MYO3B: variants seen among roughly 807,000 people sequenced by gnomAD.
MYO3B encodes the protein myosin-IIIb.
Under a neutral mutation model 174.6 loss-of-function variants are expected in MYO3B, and 156 were observed. That is an observed-to-expected ratio of 0.89 (90% CI 0.78 to 1.02). The LOEUF (loss-of-function observed/expected upper bound fraction) is 1.02, where lower values mean the gene tolerates loss of function less well. MYO3B is among the 50% of genes least tolerant of loss of function. The pLI, the probability that MYO3B is intolerant of heterozygous loss-of-function variation, is 0.00. For synonymous variants in MYO3B, 563 were observed against 569.1 expected, an observed-to-expected ratio of 0.99 and a Z score of 0.15; for missense variants, 1,632 against 1,639.4, an observed-to-expected ratio of 1.00 and a Z score of 0.08.
intron 7 of MYO3B, among the ~76,000 whole-genome samples, chr2:170,318,840 G>A (rs1441647689): frequency 4.6e-5 from 7 of 152,022 alleles, no homozygotes; most frequent in South Asian, 2.1e-4. Context: ...GTCATGTGTC[G>A]AAATCTCACC....
intron 32 of MYO3B, chr2:170,601,973 T>C (rs2106344180): frequency 1.2e-6 from 1 of 853,454 alleles, no homozygotes; most frequent in East Asian, 2.4e-5. Context: ...AACTTCTTTT[T>C]TGTCTCCCCT....
At chr2:170,419,225 G>A (rs767448537) in intron 22 of MYO3B, among the ~76,000 whole-genome samples, 5 of 152,210 alleles carry the variant, frequency 3.3e-5, no homozygotes, top group African/African-American at 7.2e-5. Context: ...GGATCAGGAC[G>A]TACTTTTCAC....
Position 170,466,559 on chromosome 2 carries a change from G to T in MYO3B, c.2862G>T (p.Val954=). 1 of 1,614,180 alleles carries T rather than the reference G, an allele frequency of 6.2e-7. No homozygotes were observed. The highest frequency in any genetic ancestry group is 8.5e-7 in the Non-Finnish European group (1 of 1,180,026). ...SKMVVGQPHF[V]RCIKPNDDRE... is the part of the protein sequence containing the mutation. ...TGGTGGTTGGACAGCCCCACTTTGT[G>T]CGCTGCATTAAACCCAATGATGACC... is the stretch of plus-strand genomic sequence containing the variant. The change falls in exon 25 of 35, where the codon GTG becomes GTT. Residue 954 remains valine, a synonymous_variant. Transcript: ENST00000408978.
intron 32 of MYO3B, among the ~76,000 whole-genome samples, chr2:170,553,474 T>G (rs1691063925): frequency 6.6e-6 from 1 of 152,238 alleles, no homozygotes; most frequent in Non-Finnish European, 1.5e-5. Context: ...GCCACTTTAT[T>G]TTGTCCAATT....
intron 32 of MYO3B, among the ~76,000 whole-genome samples, chr2:170,568,774 A>T (rs1575177408): frequency 6.6e-6 from 1 of 152,188 alleles, no homozygotes; most frequent in Non-Finnish European, 1.5e-5. Context: ...GTGGGTTTAG[A>T]TGTTTAGATA....
At chr2:170,583,287 C>T (rs1693271925) in intron 32 of MYO3B, among the ~76,000 whole-genome samples, 1 of 152,152 alleles carries the variant, frequency 6.6e-6, no homozygotes, top group African/African-American at 2.4e-5. Flanking sequence ...CAGCCTGCCT[C>T]ACCTGCTGAC....
chr2:170,583,404 C>T (rs1218020821), intron 32 of MYO3B, among the ~76,000 whole-genome samples: 1 of 152,098 alleles, frequency 6.6e-6, no homozygotes, highest in Non-Finnish European at 1.5e-5. Flanking sequence ...TTCCCTTGGC[C>T]ACATCAAAAT....
intron 7 of MYO3B, among the ~76,000 whole-genome samples, chr2:170,300,294 C>G (rs2093657576): frequency 1.3e-5 from 2 of 152,108 alleles, no homozygotes. Context: ...TTCCCTGCTA[C>G]AATGATGAGC....
intron 7 of MYO3B, among the ~76,000 whole-genome samples, chr2:170,295,038 C>T (rs1442979607): frequency 6.6e-6 from 1 of 151,940 alleles, no homozygotes; most frequent in Non-Finnish European, 1.5e-5. Flanking sequence ...AAGTACAGAA[C>T]TATTATTACT....
chr2:170,320,285 G>C (rs999967438), intron 7 of MYO3B, among the ~76,000 whole-genome samples: 3 of 152,120 alleles, frequency 2.0e-5, no homozygotes, highest in Admixed American at 2.0e-4. Context: ...GGGCTCAAGC[G>C]ATCTTCCCAC....
chr2:170,514,545 AG>A (rs1404122551), intron 28 of MYO3B, among the ~76,000 whole-genome samples: 1 of 152,210 alleles, frequency 6.6e-6, no homozygotes, highest in Non-Finnish European at 1.5e-5. Flanking sequence ...GAAAGACAGC[AG>A]GAAAGCTATC....
intron 7 of MYO3B, among the ~76,000 whole-genome samples, chr2:170,245,357 G>C (rs1297380915): frequency 6.6e-6 from 1 of 152,142 alleles, no homozygotes; most frequent in South Asian, 2.1e-4. Context: ...TAAGCCCAAT[G>C]GGGGGATCAA....
chr2:170,330,851 CTGATTT>C (rs2093906629), intron 7 of MYO3B, among the ~76,000 whole-genome samples: 1 of 114,956 alleles, frequency 8.7e-6, no homozygotes, highest in African/African-American at 5.9e-5. Flanking sequence ...TTGGAATTTG[CTGATTT>C]CCGAAAGAGC....
intron 28 of MYO3B, among the ~76,000 whole-genome samples, chr2:170,510,776 G>A (rs1687928072): frequency 6.6e-6 from 1 of 151,862 alleles, no homozygotes; most frequent in Non-Finnish European, 1.5e-5. Flanking sequence ...CTGTCCTATA[G>A]TCTTACCTCT....
chr2:170,301,847 A>T (rs1414014527), intron 7 of MYO3B, among the ~76,000 whole-genome samples: 1 of 147,748 alleles, frequency 6.8e-6, no homozygotes, highest in African/African-American at 2.5e-5. Context: ...CGAGCGACAT[A>T]GAGCGGCCAC....
At chr2:170,574,701 A>G (rs1692679561) in intron 32 of MYO3B, among the ~76,000 whole-genome samples, 1 of 152,168 alleles carries the variant, frequency 6.6e-6, no homozygotes, top group Non-Finnish European at 1.5e-5. Flanking sequence ...GTTCATATAT[A>G]CAGCTTTCTT....
intron 19 of MYO3B, among the ~76,000 whole-genome samples, chr2:170,403,221 T>G (rs190864313): frequency 1.6e-3 from 245 of 152,354 alleles, no homozygotes; most frequent in African/African-American, 5.7e-3. Context: ...GTCACTCATT[T>G]AAATTTTGTG....
chr2:170,470,773 G>T (rs1033047877), intron 25 of MYO3B, among the ~76,000 whole-genome samples: 2 of 152,108 alleles, frequency 1.3e-5, no homozygotes, highest in Non-Finnish European at 2.9e-5. Context: ...CATTCTAGTT[G>T]ATGTGAAGTG....
chr2:170,525,988 C>A (rs1688973992), intron 30 of MYO3B, among the ~76,000 whole-genome samples: 1 of 152,148 alleles, frequency 6.6e-6, no homozygotes, highest in Non-Finnish European at 1.5e-5. Context: ...CCACATGAAA[C>A]CAGAGGGAAA....
Sources: allele counts gnomAD v4.1 joint callset (sites outside exome capture counted in the v4.1 genomes callset), GRCh38; gene constraint gnomAD v4.1.1; transcripts MANE v1.5; gene names NCBI Gene and HGNC (gene_info 2026-07-23, HGNC 2026-07-21).